The following HNRNPA0 variants were observed in gnomAD, a reference collection of about 807,000 sequenced individuals.
HNRNPA0 encodes heterogeneous nuclear ribonucleoprotein A0.
For missense variants in HNRNPA0, 252 were observed against 433.7 expected, an observed-to-expected ratio of 0.58 and a Z score of 3.72; for synonymous variants, 243 against 195.5, an observed-to-expected ratio of 1.24 and a Z score of -2.03.
chr5:137,749,922 T>A lies in HNRNPA0; in HGVS notation c.*3227A>T, dbSNP rs1460284048. ...CTCAAGTATCCTCAATCTTTTAGGT[T>A]TACTTAAAAATTATGAAAATTAGAT... On this transcript the variant is annotated 3_prime_UTR_variant, in exon 1 of 1. Transcript: ENST00000314940. The A allele has an allele frequency of 2.0e-5, 3 of 152,202 alleles. No homozygotes were observed. Among genetic ancestry groups the A allele is most frequent in the Non-Finnish European group, 4.4e-5 (3 of 68,018 alleles). 9.4% of individuals were successfully genotyped at this position (152,202 alleles called of 1,614,324 possible). A position where few individuals can be genotyped will look rare whatever the true frequency, so the allele number is the denominator to read the frequency against.
chr5:137,750,039 A>T lies in HNRNPA0; in HGVS notation c.*3110T>A, dbSNP rs926640490. On this transcript the variant is annotated 3_prime_UTR_variant, in exon 1 of 1. Transcript: ENST00000314940. ...TCTGATTTGATAGTTATCACTGTGA[A>T]CCTTAACCACTTGCAGGCTTTTTTT... The T allele has an allele frequency of 6.6e-6, 1 of 152,174 alleles. No homozygotes were observed. 9.4% of individuals were successfully genotyped at this position (152,174 alleles called of 1,614,324 possible).
At position 137,753,150 on chromosome 5, in the gene HNRNPA0, TAGA is replaced by T. The variant is rs1336752399; in HGVS notation, c.914_916del (p.Phe305del). 1 of 1,611,238 alleles carries T rather than the reference TAGA, an allele frequency of 6.2e-7. No homozygotes were observed. Among genetic ancestry groups the T allele is most frequent in the Non-Finnish European group, 8.5e-7 (1 of 1,178,650 alleles). On this transcript the variant is annotated inframe_deletion, in exon 1 of 1. Transcript: ENST00000314940. This position sits in a 1 kb window ranked among gnomAD's most constrained non-coding sequence, Gnocchi z 6.1. ...CTCCCAGGCATTTTAAATTTTCTTT[TAGA>T]AGGAGCTGCCTCCATAGCCACCCCC...
Position 137,754,159 on chromosome 5 carries a change from C to G in HNRNPA0, c.-93G>C. On this transcript the variant is annotated 5_prime_UTR_variant, in exon 1 of 1. Transcript: ENST00000314940. ...GGTTAAGGCCTCTACACAGCTTGGG[C>G]CCAGCCGTTGCTGGAGCCACCCCCG... 1.4e-6 allele frequency: 2 copies of G among 1,448,036 alleles called. No individual in the cohort carries two copies. Among genetic ancestry groups the G allele is most frequent in the African/African-American group, 1.4e-5 (1 of 69,756 alleles). The allele number at this position is 1,448,036 out of a possible 1,614,324, so 89.7% of individuals were successfully genotyped here.
rs1450633543 is a variant in HNRNPA0, at chr5:137,753,426, C to T, written c.641G>A (p.Gly214Asp). The T allele has an allele frequency of 6.4e-7, 1 of 1,551,848 alleles. No homozygotes were observed. The highest frequency in any genetic ancestry group is 2.0e-5 in the Admixed American group (1 of 51,132). ...RDQNGLSKGG[G>D]GGYNSYGGYG... ...ACCACCGTAGCTGTTGTAACCGCCG[C>T]CGCCGCCCTTGGAAAGGCCGTTCTG... The change falls in exon 1 of 1, where the codon GGC becomes GAC. Residue 214 changes from glycine (G) to aspartate (D), a missense_variant. Transcript: ENST00000314940. This position sits in a 1 kb window ranked among gnomAD's most constrained non-coding sequence, Gnocchi z 6.1.
Position 137,747,889 on chromosome 5 carries a change from C to A in HNRNPA0, c.*5260G>T, listed in dbSNP as rs1580799372. ...CTCACAACTCTCTTTTATCTTAGTA[C>A]AAATTAGACATTTGTTAGCTGGAAG... On this transcript the variant is annotated 3_prime_UTR_variant, in exon 1 of 1. Transcript: ENST00000314940. 1 of 152,130 alleles carries A rather than the reference C, an allele frequency of 6.6e-6. No homozygotes were observed. Among genetic ancestry groups the A allele is most frequent in the Admixed American group, 6.5e-5 (1 of 15,268 alleles). The allele number at this position is 152,130 out of a possible 1,614,324, so 9.4% of individuals were successfully genotyped here. A position where few individuals can be genotyped will look rare whatever the true frequency, so the allele number is the denominator to read the frequency against.
chr5:137,754,011 C>G lies in HNRNPA0; in HGVS notation c.56G>C (p.Ser19Thr), dbSNP rs199553659. Residue 19 changes from serine (S) to threonine (T), a missense_variant, in exon 1 of 1, where the codon AGT becomes ACT. Ser to Thr is a moderately conservative substitution (Grantham distance 58, BLOSUM62 1). Transcript: ENST00000314940. ...LFIGGLNVQTSESGLRGHFEA... is the reference protein window; with the variant it reads ...LFIGGLNVQTTESGLRGHFEA... ...AAAGTGGCCGCGCAGGCCCGACTCA[C>G]TCGTCTGCACATTGAGGCCGCCGAT... 104 of 1,614,108 alleles carry G rather than the reference C, an allele frequency of 6.4e-5. 1 individual carries two copies. Among genetic ancestry groups the G allele is most frequent in the Non-Finnish European group, 8.5e-7 (1 of 1,180,030 alleles).
Position 137,748,969 on chromosome 5 carries a change from T to C in HNRNPA0, c.*4180A>G, listed in dbSNP as rs959735991. 5 of 152,164 alleles carry C rather than the reference T, an allele frequency of 3.3e-5. No individual in the cohort carries two copies. Among genetic ancestry groups the C allele is most frequent in the Admixed American group, 1.3e-4 (2 of 15,274 alleles). The allele number at this position is 152,164 out of a possible 1,614,324, so 9.4% of individuals were successfully genotyped here. A position where few individuals can be genotyped will look rare whatever the true frequency, so the allele number is the denominator to read the frequency against. ...GCTGTAAAGGAAAAGATGCATCATCTCAAAATAAATTGAATTCCCATTTCA... is the reference window on the plus strand; with the variant it reads ...GCTGTAAAGGAAAAGATGCATCATCCCAAAATAAATTGAATTCCCATTTCA... On this transcript the variant is annotated 3_prime_UTR_variant, in exon 1 of 1. Transcript: ENST00000314940.
rs2149949377 is a variant in HNRNPA0, at chr5:137,754,188, C to G, written c.-122G>C. ...GCCGTTGCTGGAGCCACCCCCGCCG[C>G]TCACCGACGGGGAAGGGAAAAAGGG... On this transcript the variant is annotated 5_prime_UTR_variant, in exon 1 of 1. Coordinates refer to ENST00000314940, the MANE Select transcript of HNRNPA0 (RefSeq NM_006805.4). 7.7e-7 allele frequency: 1 copy of G among 1,300,858 alleles called. No individual in the cohort carries two copies. The highest frequency in any genetic ancestry group is 1.0e-6 in the Non-Finnish European group (1 of 966,634). The allele number at this position is 1,300,858 out of a possible 1,614,324, so 80.6% of individuals were successfully genotyped here.
chr5:137,754,266 G>A lies in HNRNPA0; in HGVS notation c.-200C>T, dbSNP rs762929999. On this transcript the variant is annotated 5_prime_UTR_variant, in exon 1 of 1. Coordinates refer to ENST00000314940, the MANE Select transcript of HNRNPA0 (RefSeq NM_006805.4). ...AGGGGGAGGGAAGGGGAGCGGTGCC[G>A]GCTAAAGGGCGAGCCGAGGAGACTG... The A allele has an allele frequency of 7.0e-4, 513 of 728,294 alleles. 1 individual carries two copies. The highest frequency in any genetic ancestry group is 7.8e-4 in the Non-Finnish European group (353 of 451,658). 45.1% of individuals were successfully genotyped at this position (728,294 alleles called of 1,614,324 possible).
At position 137,748,004 on chromosome 5, in the gene HNRNPA0, C is replaced by A. The variant is rs1341741606; in HGVS notation, c.*5145G>T. The stretch of plus-strand genomic sequence containing the variant: ...TTCTACCATGTCACCAGCTGGGGGT[C>A]CTTGGGAGTTACTTTTCTGGCATGA... On this transcript the variant is annotated 3_prime_UTR_variant, in exon 1 of 1. Coordinates refer to ENST00000314940, the MANE Select transcript of HNRNPA0 (RefSeq NM_006805.4). 1 of 152,118 alleles carries A rather than the reference C, an allele frequency of 6.6e-6. No individual in the cohort carries two copies. Among genetic ancestry groups the A allele is most frequent in the African/African-American group, 2.4e-5 (1 of 41,424 alleles). The allele number at this position is 152,118 out of a possible 1,614,324, so 9.4% of individuals were successfully genotyped here.
At position 137,752,415 on chromosome 5, in the gene HNRNPA0, C is replaced by A; in HGVS notation, c.*734G>T. 6.6e-6 allele frequency: 1 copy of A among 152,142 alleles called. No individual in the cohort carries two copies. Among genetic ancestry groups the A allele is most frequent in the East Asian group, 1.9e-4 (1 of 5,198 alleles). 9.4% of individuals were successfully genotyped at this position (152,142 alleles called of 1,614,324 possible). A position where few individuals can be genotyped will look rare whatever the true frequency, so the allele number is the denominator to read the frequency against. On this transcript the variant is annotated 3_prime_UTR_variant, in exon 1 of 1. Coordinates refer to ENST00000314940, the MANE Select transcript of HNRNPA0 (RefSeq NM_006805.4). ...AACTTAAGAGTTTAAAAAGCCACATCCACCACTTCAAAAGTTTTGCCTGTA... is the reference window on the plus strand; with the variant it reads ...AACTTAAGAGTTTAAAAAGCCACATACACCACTTCAAAAGTTTTGCCTGTA...
In HNRNPA0 at chr5:137,754,320, G is replaced by T. The variant is rs540025785; in HGVS notation, c.-254C>A. On this transcript the variant is annotated 5_prime_UTR_variant, in exon 1 of 1. Coordinates refer to ENST00000314940, the MANE Select transcript of HNRNPA0 (RefSeq NM_006805.4). ...GACAACCAAGGCCACCGCTACCGCCGCCGCCGCCACCTCCGCTCCCCTATC... is the reference window on the plus strand; with the variant it reads ...GACAACCAAGGCCACCGCTACCGCCTCCGCCGCCACCTCCGCTCCCCTATC... The T allele has an allele frequency of 3.9e-6, 2 of 512,994 alleles. No homozygotes were observed. The allele number at this position is 512,994 out of a possible 1,614,324, so 31.8% of individuals were successfully genotyped here. A position where few individuals can be genotyped will look rare whatever the true frequency, so the allele number is the denominator to read the frequency against.
In HNRNPA0 at chr5:137,752,250, A is replaced by C. The variant is rs1403796219; in HGVS notation, c.*899T>G. ...GAAACTAGGCCATCTGAAAAATTTT[A>C]AACAGTTTATATGAATGACATGCTT... On this transcript the variant is annotated 3_prime_UTR_variant, in exon 1 of 1. Coordinates refer to ENST00000314940, the MANE Select transcript of HNRNPA0 (RefSeq NM_006805.4). The C allele has an allele frequency of 6.6e-6, 1 of 152,092 alleles. No homozygotes were observed. Among genetic ancestry groups the C allele is most frequent in the Admixed American group, 6.5e-5 (1 of 15,282 alleles). 9.4% of individuals were successfully genotyped at this position (152,092 alleles called of 1,614,324 possible).
In HNRNPA0 at chr5:137,750,554, T is replaced by C. The variant is rs1191648653; in HGVS notation, c.*2595A>G. The C allele has an allele frequency of 6.6e-6, 1 of 152,138 alleles. No homozygotes were observed. The highest frequency in any genetic ancestry group is 2.4e-5 in the African/African-American group (1 of 41,428). 9.4% of individuals were successfully genotyped at this position (152,138 alleles called of 1,614,324 possible). A position where few individuals can be genotyped will look rare whatever the true frequency, so the allele number is the denominator to read the frequency against. On this transcript the variant is annotated 3_prime_UTR_variant, in exon 1 of 1. Transcript: ENST00000314940. ...CCACCTGCTCCCATGAACTCTTAAA[T>C]CTGAATAATGTTCAGATAATTTTCA...
In HNRNPA0 at chr5:137,748,580, C is replaced by T. The variant is rs547945774; in HGVS notation, c.*4569G>A. On this transcript the variant is annotated 3_prime_UTR_variant, in exon 1 of 1. Transcript: ENST00000314940. ...CTTTATATGCATTCTTTCACTGAAT[C>T]TGCCCAACAATCCTATGTAGCAGGT... The T allele has an allele frequency of 6.6e-6, 1 of 152,166 alleles. No individual in the cohort carries two copies. Among genetic ancestry groups the T allele is most frequent in the Non-Finnish European group, 1.5e-5 (1 of 68,012 alleles). 9.4% of individuals were successfully genotyped at this position (152,166 alleles called of 1,614,324 possible). A position where few individuals can be genotyped will look rare whatever the true frequency, so the allele number is the denominator to read the frequency against.
rs1486236579 is a variant in HNRNPA0, at chr5:137,753,037, G to C, written c.*112C>G. 2.4e-6 allele frequency: 3 copies of C among 1,230,404 alleles called. No homozygotes were observed. The East Asian group carries it at 7.2e-5, about 29-fold the overall frequency. 76.2% of individuals were successfully genotyped at this position (1,230,404 alleles called of 1,614,324 possible). A position where few individuals can be genotyped will look rare whatever the true frequency, so the allele number is the denominator to read the frequency against. ...AGCCTTAGAAGTGGCTCCCCCAAGG[G>C]CAAAACAGGGAAGGCGGTGTGTGTG... On this transcript the variant is annotated 3_prime_UTR_variant, in exon 1 of 1. Coordinates refer to ENST00000314940, the MANE Select transcript of HNRNPA0 (RefSeq NM_006805.4). This position sits in a 1 kb window ranked among gnomAD's most constrained non-coding sequence, Gnocchi z 6.1.
Position 137,752,962 on chromosome 5 carries a change from A to C in HNRNPA0, c.*187T>G, listed in dbSNP as rs900920627. The C allele has an allele frequency of 1.3e-5, 7 of 558,380 alleles. No individual in the cohort carries two copies. The African/African-American group carries it at 1.3e-4, about 10-fold the overall frequency. 34.6% of individuals were successfully genotyped at this position (558,380 alleles called of 1,614,324 possible). ...TGGGGCCGAGTCCATCTTCAGAGGG[A>C]GAGACAAGAGAGGTGGCAGGCAAAT... On this transcript the variant is annotated 3_prime_UTR_variant, in exon 1 of 1. Transcript: ENST00000314940.
chr5:137,754,076 C>A lies in HNRNPA0; in HGVS notation c.-10G>T. 6.2e-7 allele frequency: 1 copy of A among 1,601,000 alleles called. No homozygotes were observed. The highest frequency in any genetic ancestry group is 1.1e-5 in the South Asian group (1 of 90,070). On this transcript the variant is annotated 5_prime_UTR_variant, in exon 1 of 1. Transcript: ENST00000314940. ...ACTGAGAATTCTCCATCTCCAAGGC[C>A]CGGGCCTTGCCCCCGCCCTGCGAGC... is the stretch of plus-strand genomic sequence containing the variant.
rs1753418042 is a variant in HNRNPA0 at position 137,746,953 on chromosome 5, T to C, written c.*6196A>G. The stretch of plus-strand genomic sequence containing the variant: ...GTCATAAGAAAATGTGAAAGAAGTT[T>C]TTTTTTTTAATTTCACTGAAGAGAT... On this transcript the variant is annotated 3_prime_UTR_variant, in exon 1 of 1. Coordinates refer to ENST00000314940, the MANE Select transcript of HNRNPA0 (RefSeq NM_006805.4). The C allele has an allele frequency of 6.6e-6, 1 of 152,180 alleles. No individual in the cohort carries two copies. Among genetic ancestry groups the C allele is most frequent in the South Asian group, 2.1e-4 (1 of 4,834 alleles). 9.4% of individuals were successfully genotyped at this position (152,180 alleles called of 1,614,324 possible). A position where few individuals can be genotyped will look rare whatever the true frequency, so the allele number is the denominator to read the frequency against.
Sources: gnomAD v4.1 joint callset for allele counts on GRCh38, gnomAD v4.1.1 for gene constraint, Gnocchi (gnomAD v3.1) non-coding constraint, MANE v1.5 for transcripts, NCBI Gene and HGNC (gene_info 2026-07-23, HGNC 2026-07-21) for gene names.